The following WDPCP variants were observed in gnomAD, a reference collection of about 807,000 sequenced individuals.
WDPCP encodes the protein WD repeat containing planar cell polarity effector.
In WDPCP, 71 loss-of-function variants were observed where a neutral mutation model predicts 93.1. The ratio of observed to expected loss-of-function variants is 0.76; its 90% CI spans 0.63 to 0.93. The LOEUF is 0.93. Ranked by LOEUF, WDPCP falls within the 40% of genes least tolerant of loss-of-function variation. The pLI, the probability that WDPCP is intolerant of heterozygous loss-of-function variation, is 0.00. For synonymous variants in WDPCP, 315 were observed against 315.0 expected (o/e 1.00, Z 0.00); for missense variants, 844 against 887.4 (o/e 0.95, Z 0.62).
At chr2:63,334,838 T>G (rs2104383840) in intron 12 of WDPCP, among the ~76,000 whole-genome samples, 1 of 152,082 alleles carries the variant, frequency 6.6e-6, no homozygotes, top group South Asian at 2.1e-4. Flanking sequence ...GATACAAAGA[T>G]TTTTAAAAGC....
At chr2:63,661,972 A>G (rs1425681823) in intron 2 of WDPCP, among the ~76,000 whole-genome samples, 1 of 152,198 alleles carries the variant, frequency 6.6e-6, no homozygotes, top group Non-Finnish European at 1.5e-5. Flanking sequence ...AGCTGGCAAG[A>G]GAGAAATTGC....
At chr2:63,559,326 G>A (rs1035145255) in intron 1 of WDPCP, among the ~76,000 whole-genome samples, 10 of 152,034 alleles carry the variant, frequency 6.6e-5, no homozygotes, top group Non-Finnish European at 1.3e-4. Context: ...ATATTGAATG[G>A]GCAAAAGCTG....
At chr2:63,478,986 T>G (rs1700118394) in intron 6 of WDPCP, among the ~76,000 whole-genome samples, 1 of 149,168 alleles carries the variant, frequency 6.7e-6, no homozygotes, top group South Asian at 2.1e-4. Context: ...CAAAATAAGT[T>G]CAAAACGGGA....
intron 6 of WDPCP, among the ~76,000 whole-genome samples, chr2:63,461,725 C>T (rs1699024725): frequency 6.6e-6 from 1 of 151,010 alleles, no homozygotes; most frequent in South Asian, 2.1e-4. Flanking sequence ...ATATATAATA[C>T]ATTCATGTAG....
At chr2:63,126,958 C>T (rs1559138137) in intron 17 of WDPCP, among the ~76,000 whole-genome samples, 1 of 152,032 alleles carries the variant, frequency 6.6e-6, no homozygotes, top group Non-Finnish European at 1.5e-5. Flanking sequence ...ACTAGGATTA[C>T]AGGCGTAAGT....
chr2:63,229,050 C>T (rs1678584672), intron 14 of WDPCP: 1 of 152,134 alleles, frequency 6.6e-6, no homozygotes, highest in Non-Finnish European at 1.5e-5. Context: ...GTCCCACCAA[C>T]AGTGTAAAAG....
chr2:63,436,204 C>T (rs556673009), intron 8 of WDPCP, among the ~76,000 whole-genome samples: 1 of 152,120 alleles, frequency 6.6e-6, no homozygotes, highest in Admixed American at 6.6e-5. Context: ...CATTCTAGAA[C>T]TAACATCCCT....
At chr2:63,729,622 G>A (rs1440221016) in intron 2 of WDPCP, among the ~76,000 whole-genome samples, 10 of 151,896 alleles carry the variant, frequency 6.6e-5, no homozygotes, top group Admixed American at 6.6e-4. Context: ...CCAAAACAAA[G>A]CAAAACAAAA....
At chr2:63,257,691 C>T (rs1452283608) in intron 14 of WDPCP, among the ~76,000 whole-genome samples, 1 of 152,100 alleles carries the variant, frequency 6.6e-6, no homozygotes, top group African/African-American at 2.4e-5. Context: ...AGGAATTATC[C>T]GCTGGCCACA....
intron 1 of WDPCP, 42 bp downstream of exon 1, chr2:63,588,155 T>C (rs889158501): frequency 1.0e-5 from 16 of 1,550,292 alleles, no homozygotes; most frequent in Middle Eastern, 1.7e-4. Flanking sequence ...TTCCGGATCC[T>C]AAGGTTAAAA....
intron 7 of WDPCP, chr2:63,437,831 A>G: frequency 1.9e-6 from 3 of 1,591,756 alleles, no homozygotes; most frequent in Admixed American, 1.7e-5. Context: ...AAACAGGGCT[A>G]TAAAGGTATT....
chr2:63,292,999 G>A (rs1684561954), intron 13 of WDPCP, among the ~76,000 whole-genome samples: 1 of 152,184 alleles, frequency 6.6e-6, no homozygotes, highest in Non-Finnish European at 1.5e-5. Flanking sequence ...ACGAGGGTGA[G>A]CAAAACATAG....
chr2:63,334,268 T>A lies in WDPCP; in HGVS notation c.1749-20957A>T, dbSNP rs578211911. On this transcript the variant is annotated intron_variant, in intron 12 of 17. Coordinates refer to ENST00000272321, the MANE Select transcript of WDPCP (RefSeq NM_015910.7). ...AATATCTAACTGAGACAGGTCTCAG[T>A]TAATTTAGAAAGTTTATTCTGCCAA... is the stretch of plus-strand genomic sequence containing the variant. 6.3e-4 allele frequency among the ~76,000 whole-genome samples: 96 copies of A among 152,244 alleles called. 2 individuals carry two copies. In the South Asian group the frequency reaches 0.019, roughly 30 times the overall value.
intron 1 of WDPCP, among the ~76,000 whole-genome samples, chr2:63,586,300 T>G (rs1270745487): frequency 6.6e-6 from 1 of 152,216 alleles, no homozygotes; most frequent in African/African-American, 2.4e-5. Flanking sequence ...CAATTTGAAT[T>G]AAATATTACC....
At position 63,329,401 on chromosome 2, in the gene WDPCP, C is replaced by CT. The variant is rs558671777; in HGVS notation, c.1749-16091dup. ...ATACTCTATTTATGTACATACCGCA[C>CT]TTTTTTTTTGCAAGTACATTGCTTT... On this transcript the variant is annotated intron_variant, in intron 12 of 17. Coordinates refer to ENST00000272321, the MANE Select transcript of WDPCP (RefSeq NM_015910.7). Among the ~76,000 whole-genome samples, 21 of 151,122 alleles carry CT rather than the reference C, an allele frequency of 1.4e-4. No homozygotes were observed. The South Asian group carries it at 1.7e-3, about 12-fold the overall frequency.
intron 2 of WDPCP, among the ~76,000 whole-genome samples, chr2:63,703,783 A>G (rs932573375): frequency 2.6e-5 from 4 of 151,710 alleles, no homozygotes; most frequent in African/African-American, 9.7e-5. Context: ...GGCAATGTGG[A>G]CTCTTTTTTG....
intron 1 of WDPCP, among the ~76,000 whole-genome samples, chr2:63,529,287 T>G (rs967410419): frequency 4.6e-5 from 7 of 152,198 alleles, no homozygotes; most frequent in Admixed American, 2.0e-4. Context: ...ATCCCTGTCT[T>G]GTGCAAGTTT....
chr2:63,743,140 T>C (rs956571650), intron 2 of WDPCP, among the ~76,000 whole-genome samples: 3 of 152,100 alleles, frequency 2.0e-5, no homozygotes, highest in African/African-American at 7.2e-5. Flanking sequence ...ATCTGTCCCA[T>C]TCCAGTGCTC....
chr2:63,634,227 A>G (rs1709898182), intron 3 of WDPCP, among the ~76,000 whole-genome samples: 1 of 152,260 alleles, frequency 6.6e-6, no homozygotes, highest in Non-Finnish European at 1.5e-5. Context: ...TAGTCCATGC[A>G]AATGGAAACT....
Sources: allele counts gnomAD v4.1 joint callset (sites outside exome capture counted in the v4.1 genomes callset), GRCh38; gene constraint gnomAD v4.1.1; transcripts MANE v1.5; gene names NCBI Gene and HGNC (gene_info 2026-07-23, HGNC 2026-07-21).